The following PPHLN1 variants were observed in gnomAD, a reference collection of about 807,000 sequenced individuals.
PPHLN1 encodes periphilin 1.
A neutral mutation model predicts 51.3 loss-of-function variants in PPHLN1; 29 were observed. The observed-to-expected ratio is 0.57, with a 90% CI of 0.42 to 0.77. PPHLN1 has a LOEUF of 0.77. PPHLN1 is among the 30% of genes least tolerant of loss of function. PPHLN1 has a pLI of 0.00. For missense variants in PPHLN1, 436 were observed against 438.4 expected (o/e 0.99, Z 0.05); for synonymous variants, 147 against 147.8 (o/e 0.99, Z 0.04).
At position 42,362,246 on chromosome 12, in the gene PPHLN1, CTGT is replaced by C. The variant is rs1413383264; in HGVS notation, c.299+7030_299+7032del. On this transcript the variant is annotated intron_variant, in intron 4 of 9. Transcript: ENST00000358314. The stretch of plus-strand genomic sequence containing the variant: ...TTTTTTAACTGGGTTTTTTGTCTTT[CTGT>C]TGTTGAATTTTAGGAGTATGATATT... Among the ~76,000 whole-genome samples the C allele has an allele frequency of 4.6e-5, 7 of 151,732 alleles. No individual in the cohort carries two copies. In the East Asian group the frequency reaches 1.2e-3, roughly 25 times the overall value.
chr12:42,406,272 A>T (rs1488427788), intron 9 of PPHLN1, among the ~76,000 whole-genome samples: 1 of 151,480 alleles, frequency 6.6e-6, no homozygotes, highest in Non-Finnish European at 1.5e-5. Context: ...TTTAGTAGAG[A>T]TGGGGTTTCC....
chr12:42,337,740 A>G (rs1417340199), intron 2 of PPHLN1, among the ~76,000 whole-genome samples: 2 of 132,002 alleles, frequency 1.5e-5, no homozygotes, highest in Non-Finnish European at 3.3e-5. Flanking sequence ...GCATGCCACC[A>G]TACCTGGCTA....
intron 4 of PPHLN1, among the ~76,000 whole-genome samples, chr12:42,358,950 A>G (rs1163416181): frequency 6.7e-6 from 1 of 150,136 alleles, no homozygotes; most frequent in Non-Finnish European, 1.5e-5. Flanking sequence ...ATGGTTTAAC[A>G]TGTGTGTTTA....
intron 8 of PPHLN1, among the ~76,000 whole-genome samples, chr12:42,396,224 G>A (rs1455675571): frequency 6.6e-6 from 1 of 152,110 alleles, no homozygotes; most frequent in Non-Finnish European, 1.5e-5. Context: ...TAATAAAAGA[G>A]TTTGCATAAT....
chr12:42,448,565 A>G (rs746135077), downstream of PPHLN1: 1 of 152,180 alleles, frequency 6.6e-6, no homozygotes, highest in Non-Finnish European at 1.5e-5. Context: ...TGGAATGTAG[A>G]TATTGTAAAG....
chr12:42,364,428 G>A (rs549369160), intron 4 of PPHLN1, among the ~76,000 whole-genome samples: 73 of 152,098 alleles, frequency 4.8e-4, no homozygotes, highest in African/African-American at 1.7e-3. Context: ...CCAGAAGTTC[G>A]AGACCAGCCT....
chr12:42,411,923 A>AAAAAAAAAAG (rs1424836657), intron 9 of PPHLN1, among the ~76,000 whole-genome samples: 10 of 116,602 alleles, frequency 8.6e-5, no homozygotes, highest in South Asian at 2.9e-4. Flanking sequence ...AAAAAAAAAA[A>AAAAAAAAAAG]GGGCTGGGCG....
intron 1 of PPHLN1, among the ~76,000 whole-genome samples, chr12:42,331,424 A>G (rs996830244): frequency 6.6e-6 from 1 of 152,218 alleles, no homozygotes; most frequent in Non-Finnish European, 1.5e-5. Flanking sequence ...GATATTGCCT[A>G]TGACTTTGTT....
intron 9 of PPHLN1, among the ~76,000 whole-genome samples, chr12:42,401,642 G>A (rs1381415684): frequency 6.6e-6 from 1 of 152,140 alleles, no homozygotes; most frequent in Non-Finnish European, 1.5e-5. Flanking sequence ...GATCTAGGTT[G>A]TGTGCCCTCT....
rs11181433 is a variant in PPHLN1 at position 42,339,757 on chromosome 12, A to T, written c.72+3783A>T. The stretch of plus-strand genomic sequence containing the variant: ...TGGTGGTTTCATTGCTGTAATTTCA[A>T]AGTAGTGATGAGTGTTACAAATGAT... On this transcript the variant is annotated intron_variant, in intron 2 of 9. Transcript: ENST00000358314. Among the ~76,000 whole-genome samples, 7 of 152,214 alleles carry T rather than the reference A, an allele frequency of 4.6e-5. No homozygotes were observed. In the East Asian group the frequency reaches 9.7e-4, roughly 21 times the overall value.
intron 5 of PPHLN1, among the ~76,000 whole-genome samples, chr12:42,383,617 A>G (rs997786090): frequency 3.9e-5 from 6 of 152,164 alleles, no homozygotes; most frequent in Admixed American, 3.9e-4. Context: ...AAGCTAAAAG[A>G]ATCAAGAATA....
intron 7 of PPHLN1, among the ~76,000 whole-genome samples, chr12:42,389,092 G>A (rs7308709): frequency 0.014 from 2,116 of 152,160 alleles, 61 homozygotes; most frequent in African/African-American, 0.048. Context: ...CAAAGAATTG[G>A]CTGGGTGTGG....
intron 4 of PPHLN1, among the ~76,000 whole-genome samples, chr12:42,373,251 T>A (rs2075965136): frequency 6.6e-6 from 1 of 152,258 alleles, no homozygotes; most frequent in Admixed American, 6.5e-5. Context: ...CCACTCTGGC[T>A]AACCAGTGCT....
At position 42,441,872 on chromosome 12, in the gene PPHLN1, C is replaced by CTTGTTGCTTGCTT. The variant is rs1159053466; in HGVS notation, c.*366_*378dup. The CTTGTTGCTTGCTT allele has an allele frequency of 1.0e-6, 1 of 1,004,298 alleles. No individual in the cohort carries two copies. Among genetic ancestry groups the CTTGTTGCTTGCTT allele is most frequent in the African/African-American group, 1.7e-5 (1 of 57,960 alleles). 62.2% of individuals were successfully genotyped at this position (1,004,298 alleles called of 1,614,324 possible). A position where few individuals can be genotyped will look rare whatever the true frequency, so the allele number is the denominator to read the frequency against. The stretch of plus-strand genomic sequence containing the variant: ...GAATTCTGAGTTGTGATTTTATTGA[C>CTTGTTGCTTGCTT]TTGTTGCTTGCTTTTTCTTAGGCTT... On this transcript the variant is annotated 3_prime_UTR_variant, in exon 10 of 10. Transcript: ENST00000358314.
chr12:42,405,902 A>G (rs2079248671), intron 9 of PPHLN1, among the ~76,000 whole-genome samples: 1 of 152,102 alleles, frequency 6.6e-6, no homozygotes, highest in Non-Finnish European at 1.5e-5. Context: ...CAGAAAGAAG[A>G]GTGTTCAGAA....
chr12:42,424,835 G>A (rs550377394), intron 9 of PPHLN1, among the ~76,000 whole-genome samples: 1 of 152,210 alleles, frequency 6.6e-6, no homozygotes, highest in South Asian at 2.1e-4. Context: ...ATAAAAAAAT[G>A]AAAGTTTTTC....
intron 9 of PPHLN1, chr12:42,432,226 A>G: frequency 1.3e-6 from 1 of 789,964 alleles, no homozygotes; most frequent in Non-Finnish European, 2.3e-6. Flanking sequence ...TAGACAGCTT[A>G]GAATTTGTAC....
intron 9 of PPHLN1, among the ~76,000 whole-genome samples, chr12:42,406,468 C>T (rs367728632): frequency 2.0e-5 from 3 of 152,122 alleles, no homozygotes; most frequent in African/African-American, 4.8e-5. Flanking sequence ...TTATGAGATT[C>T]GTTGATGTTG....
At chr12:42,378,636 AT>A (rs1183435246) in intron 5 of PPHLN1, among the ~76,000 whole-genome samples, 2 of 152,060 alleles carry the variant, frequency 1.3e-5, no homozygotes, top group Non-Finnish European at 2.9e-5. Flanking sequence ...TTTTAGATTA[AT>A]TTTTCCTATT....
Sources: gnomAD v4.1 joint callset for allele counts (sites outside exome capture counted in the v4.1 genomes callset) on GRCh38, gnomAD v4.1.1 for gene constraint, MANE v1.5 for transcripts, NCBI Gene and HGNC (gene_info 2026-07-23, HGNC 2026-07-21) for gene names.